The following INAVA variants were observed in gnomAD, a reference collection of about 807,000 sequenced individuals.
The protein encoded by INAVA is innate immunity activator protein.
INAVA carries 32 observed loss-of-function variants against 55.3 expected under a neutral mutation model. That is an observed-to-expected ratio of 0.58 (90% CI 0.44 to 0.78). The LOEUF is 0.78. INAVA is among the 30% of genes least tolerant of loss of function. The pLI, the probability that INAVA is intolerant of heterozygous loss-of-function variation, is 0.00. For missense variants in INAVA, 756 were observed against 786.4 expected (o/e 0.96, Z 0.46); for synonymous variants, 294 against 329.4 (o/e 0.89, Z 1.16).
At chr1:200,909,730 T>C (rs1310087774) in intron 8 of INAVA, among the ~76,000 whole-genome samples, 1 of 152,226 alleles carries the variant, frequency 6.6e-6, no homozygotes, top group Non-Finnish European at 1.5e-5. Context: ...TTTCAATTGA[T>C]GCACAGTTGA....
chr1:200,899,468 T>C lies in INAVA; in HGVS notation c.56-5T>C. On this transcript the variant is annotated splice_polypyrimidine_tract_variant and splice_region_variant and intron_variant, in intron 2 of 9. Coordinates refer to ENST00000413687, the MANE Select transcript of INAVA (RefSeq NM_001142569.3). Reference sequence around the variant, plus strand: ...CCCTGAGCATGTGCCCCCCAACCCTTGCAGGCCCCGACAGCCCGGTCTCCC... The same window carrying C: ...CCCTGAGCATGTGCCCCCCAACCCTCGCAGGCCCCGACAGCCCGGTCTCCC... The C allele has an allele frequency of 6.2e-7, 1 of 1,613,912 alleles. No homozygotes were observed.
intron 1 of INAVA, among the ~76,000 whole-genome samples, chr1:200,897,309 T>A (rs1359797401): frequency 5.9e-5 from 9 of 152,320 alleles, no homozygotes; most frequent in African/African-American, 2.2e-4. Context: ...CCCCTGGCTG[T>A]GGGGTGTAGG....
chr1:200,894,004 G>A (rs1314110373), upstream of INAVA, among the ~76,000 whole-genome samples: 2 of 152,184 alleles, frequency 1.3e-5, no homozygotes, highest in African/African-American at 4.8e-5. Flanking sequence ...GCAGCCTGCT[G>A]GGGACAGGCC....
intron 1 of INAVA, among the ~76,000 whole-genome samples, chr1:200,896,477 G>C (rs1042987599): frequency 6.6e-6 from 1 of 152,140 alleles, no homozygotes; most frequent in Non-Finnish European, 1.5e-5. Context: ...ATCCTGCGGG[G>C]TGGGGTTCCA....
intron 1 of INAVA, among the ~76,000 whole-genome samples, chr1:200,895,295 G>C (rs961928911): frequency 6.6e-6 from 1 of 152,014 alleles, no homozygotes; most frequent in Non-Finnish European, 1.5e-5. Flanking sequence ...ACCAGAGGGA[G>C]AGCAAGCAGA....
upstream of INAVA, among the ~76,000 whole-genome samples, chr1:200,892,787 T>C (rs1021757412): frequency 1.3e-5 from 2 of 152,226 alleles, no homozygotes; most frequent in African/African-American, 4.8e-5. Flanking sequence ...CCGGGGTTCT[T>C]GGCAGGAGGT....
At position 200,898,427 on chromosome 1, in the gene INAVA, C is replaced by T. The variant is rs1007272870; in HGVS notation, c.27C>T (p.Asp9=). MESKDEVS[D]TDSGIILQSG... ...TGGAGAGTAAGGATGAGGTCAGCGA[C>T]ACCGACAGTGGCATCATCCTGCAGT... The change falls in exon 2 of 10, where the codon GAC becomes GAT. Residue 9 remains aspartate (D), a synonymous_variant. Coordinates refer to ENST00000413687, the MANE Select transcript of INAVA (RefSeq NM_001142569.3). 6.2e-7 allele frequency: 1 copy of T among 1,613,978 alleles called. No homozygotes were observed. Among genetic ancestry groups the T allele is most frequent in the Non-Finnish European group, 8.5e-7 (1 of 1,180,012 alleles).
chr1:200,894,740 G>A, upstream of INAVA: 1 of 959,100 alleles, frequency 1.0e-6, no homozygotes, highest in Non-Finnish European at 1.2e-6. Flanking sequence ...TCCTCCATGG[G>A]AGCCCCTTTT....
chr1:200,907,830 G>A lies in INAVA; in HGVS notation c.521-4G>A, dbSNP rs756968275. ...TTCTCTTCTCTCCCCTTTGTCTTTC[G>A]CAGAGCTCAGTGCCTCTGATGACAG... is the stretch of plus-strand genomic sequence containing the variant. On this transcript the variant is annotated splice_polypyrimidine_tract_variant and splice_region_variant and intron_variant, in intron 5 of 9. Coordinates refer to ENST00000413687, the MANE Select transcript of INAVA (RefSeq NM_001142569.3). The A allele has an allele frequency of 3.7e-5, 60 of 1,609,260 alleles. No individual in the cohort carries two copies. The highest frequency in any genetic ancestry group is 8.0e-5 in the African/African-American group (6 of 74,776).
chr1:200,909,581 G>C (rs1653632660), intron 8 of INAVA, among the ~76,000 whole-genome samples, 184 bp downstream of exon 8: 1 of 152,212 alleles, frequency 6.6e-6, no homozygotes, highest in Non-Finnish European at 1.5e-5. Flanking sequence ...TAAGCCAAAG[G>C]CCATCCATGA....
intron 9 of INAVA, 56 bp downstream of exon 9, chr1:200,912,193 A>T: frequency 6.9e-7 from 1 of 1,448,418 alleles, no homozygotes; most frequent in South Asian, 1.3e-5. Flanking sequence ...TTTGTTGGGG[A>T]GGGGCTGCAA....
rs1004525671 is a variant in INAVA, at chr1:200,912,141, C to T, written c.1644+4C>T. 4 of 1,545,136 alleles carry T rather than the reference C, an allele frequency of 2.6e-6. No individual in the cohort carries two copies. The highest frequency in any genetic ancestry group is 1.4e-5 in the African/African-American group (1 of 73,070). Reference sequence around the variant, plus strand: ...AGCCCTGGGACCCCGGGCACAGGTACGGCTGCTCTGGAGGGACCCCGGGGC... The same window carrying T: ...AGCCCTGGGACCCCGGGCACAGGTATGGCTGCTCTGGAGGGACCCCGGGGC... On this transcript the variant is annotated splice_donor_region_variant and intron_variant, in intron 9 of 9. Coordinates refer to ENST00000413687, the MANE Select transcript of INAVA (RefSeq NM_001142569.3).
intron 5 of INAVA, among the ~76,000 whole-genome samples, chr1:200,904,789 G>A (rs898862005): frequency 7.9e-5 from 12 of 151,570 alleles, no homozygotes; most frequent in African/African-American, 2.9e-4. Context: ...CTGGAGTGCA[G>A]TAGTGTGATC....
intron 4 of INAVA, 79 bp downstream of exon 4, chr1:200,900,299 C>G: frequency 7.7e-7 from 1 of 1,295,464 alleles, no homozygotes; most frequent in Non-Finnish European, 1.1e-6. Flanking sequence ...AGCTCAGTAC[C>G]CTGGCAGGTT....
At position 200,913,590 on chromosome 1, in the gene INAVA, C is replaced by A; in HGVS notation, c.1698C>A (p.Val566=). Residue 566 remains valine, a synonymous_variant, in exon 10 of 10, where the codon GTC becomes GTA. Coordinates refer to ENST00000413687, the MANE Select transcript of INAVA (RefSeq NM_001142569.3). ...RRSPDGAPVQ[V]FVPEKGEIIS... Reference sequence around the variant, plus strand: ...CGCCTGATGGGGCCCCTGTGCAAGTCTTTGTACCTGAAAAAGGAGAGATCA... The same window carrying A: ...CGCCTGATGGGGCCCCTGTGCAAGTATTTGTACCTGAAAAAGGAGAGATCA... The A allele has an allele frequency of 6.2e-7, 1 of 1,614,090 alleles. No individual in the cohort carries two copies. Among genetic ancestry groups the A allele is most frequent in the Non-Finnish European group, 8.5e-7 (1 of 1,179,996 alleles).
upstream of INAVA, chr1:200,894,847 C>T (rs1168450029): frequency 1.0e-6 from 1 of 985,440 alleles, no homozygotes; most frequent in African/African-American, 1.7e-5. Flanking sequence ...ACTTGCTCAC[C>T]TGCTCCTCCC....
chr1:200,897,337 C>T (rs1420136314), intron 1 of INAVA, among the ~76,000 whole-genome samples: 4 of 152,228 alleles, frequency 2.6e-5, no homozygotes, highest in Admixed American at 1.3e-4. Context: ...GGCTGATTCC[C>T]CTTCAGTGGT....
intron 1 of INAVA, among the ~76,000 whole-genome samples, chr1:200,896,698 G>A (rs915951510): frequency 6.6e-6 from 1 of 152,228 alleles, no homozygotes; most frequent in African/African-American, 2.4e-5. Flanking sequence ...GTTCTTGATC[G>A]TCCTGCTCTT....
upstream of INAVA, chr1:200,891,640 G>A: frequency 6.6e-7 from 1 of 1,520,370 alleles, no homozygotes; most frequent in Non-Finnish European, 8.8e-7. Flanking sequence ...AGGTCCTGAA[G>A]CTGCGAGGCT....
Sources: allele counts gnomAD v4.1 joint callset (sites outside exome capture counted in the v4.1 genomes callset), GRCh38; gene constraint gnomAD v4.1.1; transcripts MANE v1.5; gene names NCBI Gene and HGNC (gene_info 2026-07-23, HGNC 2026-07-21).